ECT2: variants seen among roughly 807,000 people sequenced by gnomAD.
The protein encoded by ECT2 is epithelial cell transforming 2, also known as protein ECT2.
ECT2 carries 61 observed loss-of-function variants against 116.9 expected under a neutral mutation model. The ratio of observed to expected loss-of-function variants is 0.52; its 90% CI spans 0.42 to 0.65. The LOEUF (loss-of-function observed/expected upper bound fraction) is 0.65. Among genes scored for constraint, ECT2 ranks in the 30% least tolerant of loss-of-function variants. The probability of loss-of-function intolerance (pLI) is 0.00; values close to 1 mark genes in which losing one functional copy is unlikely to be tolerated. For synonymous variants in ECT2, 358 were observed against 346.4 expected (o/e 1.03, Z -0.37); for missense variants, 937 against 1,078.7 (o/e 0.87, Z 1.84).
intron 22 of ECT2, among the ~76,000 whole-genome samples, chr3:172,812,660 T>C (rs1728981066): frequency 6.6e-6 from 1 of 152,180 alleles, no homozygotes; most frequent in Non-Finnish European, 1.5e-5. Context: ...TTTTGTTGCA[T>C]GTATACATCG....
In ECT2 at chr3:172,769,048, C is replaced by G. The variant is rs762006464; in HGVS notation, c.1333C>G (p.Pro445Ala). ...TACTAAGTCTTCTAAAAGCTCCACT[C>G]CAGTTCCTTCAAAGCAGTCAGCAAG... ...SCTKSSKSST[P>A]VPSKQSARWQ... Residue 445 changes from proline to alanine, a missense_variant, in exon 13 of 25, where the codon CCA (proline) becomes GCA (alanine). Pro to Ala is a conservative substitution (Grantham distance 27, BLOSUM62 -1). Transcript: ENST00000392692. The G allele has an allele frequency of 1.2e-6, 2 of 1,613,466 alleles. No individual in the cohort carries two copies. Among genetic ancestry groups the G allele is most frequent in the Admixed American group, 1.7e-5 (1 of 59,998 alleles).
chr3:172,755,268 A>C, intron 2 of ECT2, 27 bp from the exon 3 acceptor site: 1 of 1,560,028 alleles, frequency 6.4e-7, no homozygotes, highest in Non-Finnish European at 8.7e-7. Flanking sequence ...TACATGATAA[A>C]CATTGAAACA....
At chr3:172,776,074 TC>T (rs1240269186) in intron 14 of ECT2, among the ~76,000 whole-genome samples, 1 of 152,188 alleles carries the variant, frequency 6.6e-6, no homozygotes, top group Admixed American at 6.5e-5. Flanking sequence ...ATTTAGAAAA[TC>T]ATATTCTTTG....
Position 172,762,900 on chromosome 3 carries a change from T to G in ECT2, c.1006-10T>G. 1 of 1,613,354 alleles carries G rather than the reference T, an allele frequency of 6.2e-7. No homozygotes were observed. Among genetic ancestry groups the G allele is most frequent in the Non-Finnish European group, 8.5e-7 (1 of 1,179,656 alleles). On this transcript the variant is annotated splice_polypyrimidine_tract_variant and intron_variant, in intron 10 of 24. Transcript: ENST00000392692. Reference sequence around the variant, plus strand: ...AAACTGTTTATTAAAATGTTTTTTCTCTCACCTAGTGGTTCTGGGGAAGCA... The same window carrying G: ...AAACTGTTTATTAAAATGTTTTTTCGCTCACCTAGTGGTTCTGGGGAAGCA...
At chr3:172,795,126 C>T (rs1441551270) in intron 18 of ECT2, among the ~76,000 whole-genome samples, 2 of 151,866 alleles carry the variant, frequency 1.3e-5, no homozygotes, top group African/African-American at 4.8e-5. Flanking sequence ...TCTTGTTAAA[C>T]TTATTCTTAA....
the ECT2 span, among the ~76,000 whole-genome samples, chr3:172,828,146 ATACT>A: frequency 2.0e-5 from 3 of 152,246 alleles, no homozygotes; most frequent in South Asian, 4.1e-4. Context: ...AACCATTGAA[ATACT>A]TAAGAATAAG....
chr3:172,762,863 T>TA (rs1560257647), intron 10 of ECT2, 47 bp from the exon 11 acceptor site: 3 of 1,610,560 alleles, frequency 1.9e-6, no homozygotes, highest in Non-Finnish European at 2.5e-6. Flanking sequence ...GCTTCTCTGA[T>TA]AAAATAAATG....
intron 20 of ECT2, among the ~76,000 whole-genome samples, chr3:172,803,430 G>T (rs1364389537): frequency 6.6e-6 from 1 of 152,060 alleles, no homozygotes; most frequent in Non-Finnish European, 1.5e-5. Context: ...TCTTAAATCA[G>T]CAGGTTTTAG....
At chr3:172,828,944 A>C in the ECT2 span, 1 of 1,457,460 alleles carries the variant, frequency 6.9e-7, no homozygotes, top group Non-Finnish European at 9.5e-7. Context: ...AGCCACACCA[A>C]CTGTGGCTGC....
intron 22 of ECT2, among the ~76,000 whole-genome samples, chr3:172,809,435 TAAG>T (rs1056977927): frequency 2.0e-5 from 3 of 152,122 alleles, no homozygotes; most frequent in African/African-American, 7.2e-5. Context: ...ATTTTGTTCT[TAAG>T]AAATACGTTT....
intron 18 of ECT2, among the ~76,000 whole-genome samples, chr3:172,793,031 T>G (rs1362802821): frequency 1.3e-5 from 2 of 152,170 alleles, no homozygotes; most frequent in Non-Finnish European, 1.5e-5. Context: ...GTATATGCAT[T>G]TCTAAGAAAC....
chr3:172,784,766 A>C lies in ECT2; in HGVS notation c.1788A>C (p.Pro596=), dbSNP rs201456614. 16 of 1,612,576 alleles carry C rather than the reference A, an allele frequency of 9.9e-6. No homozygotes were observed. Among genetic ancestry groups the C allele is most frequent in the Non-Finnish European group, 1.3e-5 (15 of 1,178,822 alleles). Residue 596 remains proline, a synonymous_variant, in exon 17 of 25, where the codon CCA becomes CCC. Transcript: ENST00000392692. ...RQSLVELLIR[P]VQRLPSVALL... is the part of the protein sequence containing the mutation. Reference sequence around the variant, plus strand: ...GCCTTGTTGAACTTCTTATCCGACCAGTACAGAGGTTACCCAGTGTTGCAT... The same window carrying C: ...GCCTTGTTGAACTTCTTATCCGACCCGTACAGAGGTTACCCAGTGTTGCAT...
At chr3:172,760,560 A>G (rs377547523) in intron 7 of ECT2, among the ~76,000 whole-genome samples, 3 of 151,672 alleles carry the variant, frequency 2.0e-5, no homozygotes, top group East Asian at 1.9e-4. Context: ...GAGATTACAT[A>G]CGTGAGCCAC....
intron 18 of ECT2, among the ~76,000 whole-genome samples, chr3:172,787,151 G>A (rs753478176): frequency 1.3e-5 from 2 of 152,178 alleles, no homozygotes; most frequent in African/African-American, 2.4e-5. Flanking sequence ...GTTAGGATCA[G>A]AGTGGAAAAC....
rs764543607 is a variant in ECT2 at position 172,784,722 on chromosome 3, C to T, written c.1744C>T (p.Pro582Ser). 1 of 1,613,274 alleles carries T rather than the reference C, an allele frequency of 6.2e-7. No homozygotes were observed. Among genetic ancestry groups the T allele is most frequent in the African/African-American group, 1.3e-5 (1 of 74,894 alleles). ...HAFLKINQAK[P>S]ECGRQSLVEL... ...TTGTTTTCAGATAAACCAAGCAAAA[C>T]CAGAATGTGGACGGCAGAGCCTTGT... The change falls in exon 17 of 25, where the codon CCA becomes TCA. Residue 582 changes from proline to serine, a missense_variant. Physicochemically the swap from Pro to Ser is moderately conservative, Grantham distance 74. Transcript: ENST00000392692.
intron 16 of ECT2, 72 bp from the exon 17 acceptor site, chr3:172,784,635 A>G (rs1723296721): frequency 2.9e-6 from 3 of 1,031,070 alleles, no homozygotes; most frequent in African/African-American, 1.6e-5. Flanking sequence ...GATAAGGTGT[A>G]CTCCAGTAAA....
intron 18 of ECT2, among the ~76,000 whole-genome samples, chr3:172,793,883 C>T (rs1351851204): frequency 6.6e-6 from 1 of 151,764 alleles, no homozygotes; most frequent in Non-Finnish European, 1.5e-5. Context: ...TATTTGCTGT[C>T]ATATTACTTT....
At chr3:172,784,131 T>C (rs1346404496) in intron 16 of ECT2, among the ~76,000 whole-genome samples, 1 of 152,012 alleles carries the variant, frequency 6.6e-6, no homozygotes, top group East Asian at 1.9e-4. Context: ...GAATGTTATA[T>C]GTGGTCATTT....
chr3:172,762,452 A>T lies in ECT2; in HGVS notation c.795A>T (p.Glu265Asp). 1.3e-6 allele frequency: 2 copies of T among 1,599,074 alleles called. No homozygotes were observed. Among genetic ancestry groups the T allele is most frequent in the East Asian group, 4.5e-5 (2 of 44,696 alleles). The change falls in exon 9 of 25, where the codon GAA (glutamate) becomes GAT (aspartate). Residue 265 changes from glutamate to aspartate, a missense_variant. By Grantham distance (45) the Glu-to-Asp change is conservative. Transcript: ENST00000392692. ...CAGCAGTTGATGACTTTAGAAATGA[A>T]TTTAAAGTTCCTCCATTTCAAGATT... ...FYAAVDDFRN[E>D]FKVPPFQDCI...
Sources: allele counts gnomAD v4.1 joint callset (sites outside exome capture counted in the v4.1 genomes callset), GRCh38; gene constraint gnomAD v4.1.1; transcripts MANE v1.5; gene names NCBI Gene and HGNC (gene_info 2026-07-23, HGNC 2026-07-21).